Variants in MRTFB observed in about 807,000 individuals in gnomAD.
MRTFB encodes myocardin related transcription factor B.
In MRTFB, 29 loss-of-function variants were observed where a neutral mutation model predicts 104.2. The ratio of observed to expected loss-of-function variants is 0.28; its 90% CI spans 0.21 to 0.38. The LOEUF (loss-of-function observed/expected upper bound fraction) is 0.38. Ranked by LOEUF, MRTFB falls within the 10% of genes least tolerant of loss-of-function variation. The probability of loss-of-function intolerance (pLI) is 1.00; values close to 1 mark genes in which losing one functional copy is unlikely to be tolerated. For synonymous variants in MRTFB, 535 were observed against 519.5 expected, an observed-to-expected ratio of 1.03 and a Z score of -0.41; for missense variants, 1,270 against 1,341.6, an observed-to-expected ratio of 0.95 and a Z score of 0.83.
chr16:14,166,217 C>CTTT (rs35113283), intron 3 of MRTFB, among the ~76,000 whole-genome samples: 3,829 of 112,344 alleles, frequency 0.034, 70 homozygotes, highest in Middle Eastern at 0.097. Flanking sequence ...GTTTTCTTTT[C>CTTT]TTTTTTTTTT....
intron 3 of MRTFB, among the ~76,000 whole-genome samples, chr16:14,147,603 A>T (rs2038382553): frequency 6.6e-6 from 1 of 152,114 alleles, no homozygotes; most frequent in South Asian, 2.1e-4. Context: ...GGAGCGAGGG[A>T]GGGGGCTGTG....
the MRTFB span, among the ~76,000 whole-genome samples, chr16:14,005,074 C>G: frequency 6.6e-6 from 1 of 152,268 alleles, no homozygotes; most frequent in Non-Finnish European, 1.5e-5. Flanking sequence ...TCCAGATCCT[C>G]ACACACCATC....
chr16:14,240,200 A>G (rs2042702807), intron 9 of MRTFB, 37 bp from the exon 10 acceptor site: 5 of 1,545,270 alleles, frequency 3.2e-6, no homozygotes, highest in Non-Finnish European at 3.5e-6. Context: ...ATGTGGTGAC[A>G]TCTCTTTAAA....
chr16:14,068,129 G>A (rs997523616), upstream of MRTFB, among the ~76,000 whole-genome samples: 1 of 152,080 alleles, frequency 6.6e-6, no homozygotes, highest in Non-Finnish European at 1.5e-5. Flanking sequence ...ACCACAGCTG[G>A]CCTAAAAACT....
chr16:14,015,867 C>G, the MRTFB span: 2 of 398,490 alleles, frequency 5.0e-6, no homozygotes, highest in African/African-American at 2.1e-5. Context: ...CTTACCTGTG[C>G]TTACAGGTAA....
chr16:14,064,575 CA>C, the MRTFB span, among the ~76,000 whole-genome samples: 1 of 152,138 alleles, frequency 6.6e-6, no homozygotes, highest in Non-Finnish European at 1.5e-5. Flanking sequence ...AGGTTTTCTT[CA>C]AAAGTTTTTA....
the MRTFB span, among the ~76,000 whole-genome samples, chr16:14,055,237 G>C: frequency 6.6e-6 from 1 of 152,216 alleles, no homozygotes; most frequent in Non-Finnish European, 1.5e-5. Flanking sequence ...TGTAATCCCA[G>C]CTACTAGGGA....
chr16:14,108,142 G>A (rs2036086994), intron 2 of MRTFB, among the ~76,000 whole-genome samples: 1 of 152,152 alleles, frequency 6.6e-6, no homozygotes, highest in Non-Finnish European at 1.5e-5. Flanking sequence ...ATGCTTCTGG[G>A]AGCCCTGGAT....
chr16:14,193,350 T>A lies in MRTFB; in HGVS notation c.155-16893T>A, dbSNP rs192263252. On this transcript the variant is annotated intron_variant, in intron 3 of 16. Transcript: ENST00000571589. ...TCAAAAATCTGTGGGGTAAAAAGCC[T>A]TGCCTATGTTTCCAGAAGCCGCTGG... Among the ~76,000 whole-genome samples, 7 of 152,084 alleles carry A rather than the reference T, an allele frequency of 4.6e-5. No individual in the cohort carries two copies. In the East Asian group the frequency reaches 9.6e-4, roughly 21 times the overall value.
the MRTFB span, among the ~76,000 whole-genome samples, chr16:14,030,281 G>A: frequency 2.0e-5 from 3 of 152,176 alleles, no homozygotes; most frequent in African/African-American, 7.2e-5. Context: ...TGCACAAACA[G>A]GGGCAAAGCA....
chr16:14,070,763 G>A (rs1200873264), upstream of MRTFB, among the ~76,000 whole-genome samples: 1 of 152,260 alleles, frequency 6.6e-6, no homozygotes, highest in East Asian at 1.9e-4. Flanking sequence ...CCTGGGGGCT[G>A]TCACTGAGGT....
At chr16:14,035,755 A>T in the MRTFB span, among the ~76,000 whole-genome samples, 62 of 152,180 alleles carry the variant, frequency 4.1e-4, no homozygotes, top group African/African-American at 1.5e-3. Context: ...TTGGGGGAAC[A>T]GGCAGTATTT....
At chr16:13,997,204 C>A in the MRTFB span, among the ~76,000 whole-genome samples, 1 of 152,130 alleles carries the variant, frequency 6.6e-6, no homozygotes, top group South Asian at 2.1e-4. Context: ...ACATGGGGGG[C>A]ATCTCAAATG....
chr16:14,047,049 A>T, the MRTFB span, among the ~76,000 whole-genome samples: 3 of 152,224 alleles, frequency 2.0e-5, no homozygotes, highest in African/African-American at 7.2e-5. Context: ...TGTGGTTGTG[A>T]ATAAGACAGA....
Position 14,083,353 on chromosome 16 carries a change from C to T in MRTFB, c.-64+3999C>T, listed in dbSNP as rs150523636. 7.9e-5 allele frequency among the ~76,000 whole-genome samples: 12 copies of T among 152,242 alleles called. No individual in the cohort carries two copies. In the East Asian group the frequency reaches 2.3e-3, roughly 29 times the overall value. ...CTAATTGGATGCCTGACTCCTGAAG[C>T]CACTGAGGGTATGAGAAGCCCAAGC... On this transcript the variant is annotated intron_variant, in intron 2 of 16. Coordinates refer to ENST00000571589, the MANE Select transcript of MRTFB (RefSeq NM_001308142.2).
rs1451609329 is a variant in MRTFB, at chr16:14,260,353, A to AT, written c.2765-555dup. Among the ~76,000 whole-genome samples, 9 of 135,704 alleles carry AT rather than the reference A, an allele frequency of 6.6e-5. No homozygotes were observed. In the South Asian group the frequency reaches 7.1e-4, roughly 11 times the overall value. 89.0% of individuals were successfully genotyped at this position (135,704 alleles called of 152,430 possible). The stretch of plus-strand genomic sequence containing the variant: ...TTGGGTACCCAGTCCAACTGTAATG[A>AT]TAAAAAAAAAAAAAAGGAAAAAAGA... On this transcript the variant is annotated intron_variant, in intron 16 of 16. Coordinates refer to ENST00000571589, the MANE Select transcript of MRTFB (RefSeq NM_001308142.2).
chr16:14,078,335 C>CT (rs922982598), intron 1 of MRTFB, among the ~76,000 whole-genome samples: 51 of 151,252 alleles, frequency 3.4e-4, no homozygotes, highest in Admixed American at 2.2e-3. Flanking sequence ...TGACTTTGAT[C>CT]TTTTTTTTTG....
chr16:14,004,998 C>T, the MRTFB span, among the ~76,000 whole-genome samples: 2 of 152,236 alleles, frequency 1.3e-5, no homozygotes, highest in Non-Finnish European at 2.9e-5. Flanking sequence ...TGGGCCAAGG[C>T]ATCCAACTCT....
chr16:14,227,779 G>A (rs193016669), intron 8 of MRTFB, among the ~76,000 whole-genome samples: 45 of 152,098 alleles, frequency 3.0e-4, no homozygotes, highest in African/African-American at 9.6e-4. Flanking sequence ...CAAAGTGCTG[G>A]GATTACAGGA....
Sources: allele counts gnomAD v4.1 joint callset (sites outside exome capture counted in the v4.1 genomes callset), GRCh38; gene constraint gnomAD v4.1.1; transcripts MANE v1.5; gene names NCBI Gene and HGNC (gene_info 2026-07-23, HGNC 2026-07-21).